CACNA1E: variants seen among roughly 807,000 people sequenced by gnomAD.
CACNA1E encodes the protein calcium voltage-gated channel subunit alpha1 E, also known as voltage-dependent R-type calcium channel subunit alpha-1E.
In CACNA1E, 40 loss-of-function variants were observed where a neutral mutation model predicts 259.2. The ratio of observed to expected loss-of-function variants is 0.15; its 90% CI spans 0.12 to 0.20. The LOEUF (loss-of-function observed/expected upper bound fraction) is 0.20. CACNA1E is among the 10% of genes least tolerant of loss of function. CACNA1E has a pLI of 1.00. For missense variants in CACNA1E, 1,874 were observed against 3,040.1 expected, an observed-to-expected ratio of 0.62 and a Z score of 9.02; for synonymous variants, 1,104 against 1,138.5, an observed-to-expected ratio of 0.97 and a Z score of 0.61.
intron 3 of CACNA1E, among the ~76,000 whole-genome samples, chr1:181,537,766 A>G (rs1382098127): frequency 6.6e-6 from 1 of 152,244 alleles, no homozygotes; most frequent in African/African-American, 2.4e-5. Context: ...GTGCAAACAC[A>G]TCTAATGCCT....
At chr1:181,441,816 T>C (rs1660495749) in intron 2 of CACNA1E, among the ~76,000 whole-genome samples, 1 of 152,194 alleles carries the variant, frequency 6.6e-6, no homozygotes, top group Non-Finnish European at 1.5e-5. Context: ...TTAGCCTGAT[T>C]CTACATAGCA....
intron 25 of CACNA1E, among the ~76,000 whole-genome samples, chr1:181,744,169 A>G (rs905534087): frequency 6.6e-6 from 1 of 152,248 alleles, no homozygotes; most frequent in African/African-American, 2.4e-5. Flanking sequence ...CTTTTCATTG[A>G]AGTATGTCAC....
At chr1:181,795,644 G>A (rs1310318614) in intron 46 of CACNA1E, among the ~76,000 whole-genome samples, 1 of 151,644 alleles carries the variant, frequency 6.6e-6, no homozygotes. Context: ...GTTTCACCAT[G>A]TTAGCCAGGA....
chr1:181,389,543 A>C (rs555607112), intron 1 of CACNA1E, among the ~76,000 whole-genome samples: 3 of 152,394 alleles, frequency 2.0e-5, no homozygotes, highest in Admixed American at 2.0e-4. Context: ...GACCCTAAGG[A>C]AGCAGAAAAA....
chr1:181,335,743 A>G (rs528858906), intron 1 of CACNA1E, among the ~76,000 whole-genome samples: 1 of 152,194 alleles, frequency 6.6e-6, no homozygotes, highest in Non-Finnish European at 1.5e-5. Flanking sequence ...TGTAATTTTG[A>G]ACTTGAATTC....
intron 3 of CACNA1E, among the ~76,000 whole-genome samples, chr1:181,564,615 T>C (rs1423270000): frequency 6.6e-6 from 1 of 152,236 alleles, no homozygotes; most frequent in Non-Finnish European, 1.5e-5. Context: ...CTATGAATCA[T>C]GAATGTTCTT....
At chr1:181,698,455 A>T (rs1055041454) in intron 7 of CACNA1E, among the ~76,000 whole-genome samples, 1 of 152,174 alleles carries the variant, frequency 6.6e-6, no homozygotes, top group African/African-American at 2.4e-5. Context: ...AGTTTTTATC[A>T]ATGCCATTTA....
At chr1:181,664,458 C>T (rs931573507) in intron 7 of CACNA1E, among the ~76,000 whole-genome samples, 1 of 151,954 alleles carries the variant, frequency 6.6e-6, no homozygotes, top group African/African-American at 2.4e-5. Context: ...GTAATATTAC[C>T]CCCATTTTAG....
intron 3 of CACNA1E, among the ~76,000 whole-genome samples, chr1:181,545,941 G>A (rs372089613): frequency 3.3e-5 from 5 of 152,164 alleles, no homozygotes; most frequent in African/African-American, 7.2e-5. Flanking sequence ...GGAGCATCAC[G>A]TGTGCCTCTA....
chr1:181,681,231 C>A (rs1375979914), intron 7 of CACNA1E, among the ~76,000 whole-genome samples: 1 of 152,200 alleles, frequency 6.6e-6, no homozygotes, highest in East Asian at 1.9e-4. Flanking sequence ...GTCCTTGTGA[C>A]CCTCAGATCC....
chr1:181,422,684 T>A (rs1406795192), intron 2 of CACNA1E, among the ~76,000 whole-genome samples: 1 of 152,210 alleles, frequency 6.6e-6, no homozygotes, highest in Non-Finnish European at 1.5e-5. Context: ...TGAATTGTTA[T>A]GAAGGAAAAA....
intron 3 of CACNA1E, among the ~76,000 whole-genome samples, chr1:181,517,460 T>C (rs1466863276): frequency 1.3e-5 from 2 of 152,112 alleles, no homozygotes; most frequent in African/African-American, 4.8e-5. Context: ...TATTTCACTG[T>C]TTCACTCTGA....
chr1:181,413,071 G>A, intron 1 of CACNA1E: 1 of 153,398 alleles, frequency 6.5e-6, no homozygotes. Context: ...TGTGACCTTG[G>A]CCCCATTCTT....
chr1:181,554,306 G>A (rs961749985), intron 3 of CACNA1E, among the ~76,000 whole-genome samples: 8 of 152,122 alleles, frequency 5.3e-5, no homozygotes, highest in East Asian at 1.9e-4. Context: ...GAGCCACTGC[G>A]CCCAGCCTGA....
chr1:181,693,215 T>C (rs1429626799), intron 7 of CACNA1E, among the ~76,000 whole-genome samples: 1 of 150,338 alleles, frequency 6.7e-6, no homozygotes, highest in African/African-American at 2.5e-5. Flanking sequence ...GTAATGTAAA[T>C]TAGTTCAGCC....
chr1:181,417,008 C>T (rs6677830), intron 2 of CACNA1E, among the ~76,000 whole-genome samples: 2,317 of 152,132 alleles, frequency 0.015, 56 homozygotes, highest in African/African-American at 0.052. Context: ...CTTCTTGCTT[C>T]CTGCTGACAG....
intron 3 of CACNA1E, among the ~76,000 whole-genome samples, chr1:181,572,242 C>T (rs562165374): frequency 2.2e-4 from 34 of 152,216 alleles, no homozygotes; most frequent in African/African-American, 7.5e-4. Flanking sequence ...ATTCTTTGGG[C>T]GACTAACTTG....
At chr1:181,771,966 C>A in intron 36 of CACNA1E, 100 bp from the exon 37 acceptor site, 2 of 1,095,570 alleles carry the variant, frequency 1.8e-6, no homozygotes, top group Non-Finnish European at 2.7e-6. Context: ...GCCTGTTGGG[C>A]CCAGACAAGA....
chr1:181,476,682 G>A (rs1229279628), intron 2 of CACNA1E, among the ~76,000 whole-genome samples: 1 of 152,214 alleles, frequency 6.6e-6, no homozygotes. Context: ...CAATCGGCCT[G>A]AGCCCACCCG....
Sources: allele counts gnomAD v4.1 joint callset (sites outside exome capture counted in the v4.1 genomes callset), GRCh38; gene constraint gnomAD v4.1.1; transcripts MANE v1.5; gene names NCBI Gene and HGNC (gene_info 2026-07-23, HGNC 2026-07-21).